SVIL: variants seen among roughly 807,000 people sequenced by gnomAD.
SVIL encodes the protein archvillin.
A neutral mutation model predicts 240.4 loss-of-function variants in SVIL; 101 were observed. That is an observed-to-expected ratio of 0.42 (90% CI 0.36 to 0.50). The LOEUF is 0.50. Ranked by LOEUF, SVIL falls within the 20% of genes least tolerant of loss-of-function variation. The pLI, the probability that SVIL is intolerant of heterozygous loss-of-function variation, is 0.01. For missense variants in SVIL, 2,512 were observed against 2,818.7 expected (o/e 0.89, Z 2.46); for synonymous variants, 999 against 1,100.0 (o/e 0.91, Z 1.82).
chr10:29,546,488 C>T (rs960558752), intron 6 of SVIL, among the ~76,000 whole-genome samples: 1 of 152,132 alleles, frequency 6.6e-6, no homozygotes, highest in South Asian at 2.1e-4. Context: ...TCTTCTTTAT[C>T]ATATAAACTG....
At chr10:29,501,916 C>A (rs1169153327) in intron 17 of SVIL, among the ~76,000 whole-genome samples, 2 of 152,192 alleles carry the variant, frequency 1.3e-5, no homozygotes, top group Admixed American at 6.5e-5. Flanking sequence ...GTGGTGAATT[C>A]TCTCAGGCAT....
chr10:29,650,520 GTATT>G (rs1299239096), intron 3 of SVIL, among the ~76,000 whole-genome samples: 2 of 151,936 alleles, frequency 1.3e-5, no homozygotes, highest in African/African-American at 4.8e-5. Flanking sequence ...TATATAATAT[GTATT>G]TATTACCACA....
At chr10:29,560,422 A>C (rs1314336437) in intron 3 of SVIL, among the ~76,000 whole-genome samples, 4 of 152,226 alleles carry the variant, frequency 2.6e-5, no homozygotes, top group Non-Finnish European at 4.4e-5. Flanking sequence ...AAGTGGAGTA[A>C]TACGTTTGGT....
At chr10:29,699,659 CA>C (rs1341611691) in intron 1 of SVIL, among the ~76,000 whole-genome samples, 1 of 152,278 alleles carries the variant, frequency 6.6e-6, no homozygotes, top group Admixed American at 6.5e-5. Flanking sequence ...TAAAAACTCA[CA>C]AAGACGTTTT....
intron 17 of SVIL, among the ~76,000 whole-genome samples, chr10:29,500,850 T>C (rs1285770240): frequency 6.6e-6 from 1 of 152,132 alleles, no homozygotes; most frequent in South Asian, 2.1e-4. Flanking sequence ...TTCCCTTCAC[T>C]GACCCACGAG....
At chr10:29,713,256 A>G (rs1332649956) in intron 1 of SVIL, among the ~76,000 whole-genome samples, 3 of 122,028 alleles carry the variant, frequency 2.5e-5, no homozygotes, top group African/African-American at 1.0e-4. Flanking sequence ...GAAGTTGTAC[A>G]TGCCTCTGTG....
Position 29,488,677 on chromosome 10 carries a change from C to G in SVIL, c.4272G>C (p.Arg1424=), listed in dbSNP as rs755935020. ...SKENFSNVSL[R]SVNLTEQNSN... Reference sequence around the variant, plus strand: ...AGTTCTGTTCCGTCAGGTTGACGCTCCGCAGGCTGACGTTGCTGAAGTTTT... The same window carrying G: ...AGTTCTGTTCCGTCAGGTTGACGCTGCGCAGGCTGACGTTGCTGAAGTTTT... The change falls in exon 23 of 38, where the codon CGG becomes CGC. Residue 1424 remains arginine, a synonymous_variant. Transcript: ENST00000355867. The G allele has an allele frequency of 3.1e-6, 5 of 1,613,070 alleles. No homozygotes were observed. In the South Asian group the frequency reaches 5.5e-5, roughly 18 times the overall value.
In SVIL at chr10:29,529,718, C is replaced by T. The variant is rs779677853; in HGVS notation, c.2233G>A (p.Val745Ile). 4 of 1,607,576 alleles carry T rather than the reference C, an allele frequency of 2.5e-6. No homozygotes were observed. The highest frequency in any genetic ancestry group is 3.4e-6 in the Non-Finnish European group (4 of 1,177,792). The change falls in exon 12 of 38, where the codon GTC becomes ATC. Residue 745 changes from valine (V) to isoleucine (I), a missense_variant. Physicochemically the swap from Val to Ile is conservative, Grantham distance 29 (BLOSUM62 3). Coordinates refer to ENST00000355867, the MANE Select transcript of SVIL (RefSeq NM_021738.3). ...GTGGGCACTTACGTGGCTGCGATGACCACCTCTTCAGTGGTGATGGGCTGG... is the reference window on the plus strand; with the variant it reads ...GTGGGCACTTACGTGGCTGCGATGATCACCTCTTCAGTGGTGATGGGCTGG... ...LTQPITTEEVVIAATEPIPAS... is the reference protein window; with the variant it reads ...LTQPITTEEVIIAATEPIPAS...
Position 29,529,737 on chromosome 10 carries a change from G to C in SVIL, c.2214C>G (p.Pro738=). 1 of 1,613,328 alleles carries C rather than the reference G, an allele frequency of 6.2e-7. No individual in the cohort carries two copies. Among genetic ancestry groups the C allele is most frequent in the Non-Finnish European group, 8.5e-7 (1 of 1,179,684 alleles). Residue 738 remains proline, a synonymous_variant, in exon 12 of 38, where the codon CCC becomes CCG. Transcript: ENST00000355867. ...CGATGACCACCTCTTCAGTGGTGAT[G>C]GGCTGGGTGAGGGACCTGTCCTGCA... ...RRLQDRSLTQ[P]ITTEEVVIAA...
intron 1 of SVIL, among the ~76,000 whole-genome samples, chr10:29,597,292 G>A (rs2132823897): frequency 6.6e-6 from 1 of 152,290 alleles, no homozygotes; most frequent in East Asian, 1.9e-4. Flanking sequence ...CCGCCCTGAG[G>A]GAAGAATCAT....
At chr10:29,588,502 C>T (rs1431604595) in intron 1 of SVIL, among the ~76,000 whole-genome samples, 1 of 152,150 alleles carries the variant, frequency 6.6e-6, no homozygotes, top group Admixed American at 6.5e-5. Context: ...TGAAACAAGA[C>T]TCATGAAAAA....
Position 29,533,354 on chromosome 10 carries a change from T to C in SVIL, c.1013A>G (p.His338Arg), listed in dbSNP as rs1439682816. Reference sequence around the variant, plus strand: ...GTGCTCAGACTGAAATGACACGTAATGGACTGGCGCTGGCTGGTGTCTCCT... The same window carrying C: ...GTGCTCAGACTGAAATGACACGTAACGGACTGGCGCTGGCTGGTGTCTCCT... ...TQRRHQPAPV[H>R]YVSFQSEHSA... is the part of the protein sequence containing the mutation. Residue 338 changes from histidine to arginine, a missense_variant, in exon 8 of 38, where the codon CAT becomes CGT. By Grantham distance (29) the His-to-Arg change is conservative. Around this residue, in one of 3 missense-constraint regions of SVIL, gnomAD observed 1,443 missense variants for 1,486.6 expected, o/e 0.97. Coordinates refer to ENST00000355867, the MANE Select transcript of SVIL (RefSeq NM_021738.3). 3 of 1,614,040 alleles carry C rather than the reference T, an allele frequency of 1.9e-6. No homozygotes were observed. Among genetic ancestry groups the C allele is most frequent in the African/African-American group, 1.3e-5 (1 of 74,924 alleles).
chr10:29,600,521 A>C (rs774853507), intron 1 of SVIL, among the ~76,000 whole-genome samples: 7 of 152,194 alleles, frequency 4.6e-5, no homozygotes, highest in Non-Finnish European at 8.8e-5. Context: ...CAGATGGAGA[A>C]ACACACAGGT....
chr10:29,700,097 A>G (rs1962392455), intron 1 of SVIL, among the ~76,000 whole-genome samples: 1 of 152,242 alleles, frequency 6.6e-6, no homozygotes, highest in Non-Finnish European at 1.5e-5. Flanking sequence ...GATTTCACCT[A>G]AAATAAGGAT....
intron 1 of SVIL, among the ~76,000 whole-genome samples, chr10:29,700,371 A>C (rs1302134448): frequency 1.3e-5 from 2 of 151,836 alleles, no homozygotes; most frequent in East Asian, 3.9e-4. Flanking sequence ...TCCACCCACT[A>C]CAGCCTGAAA....
At chr10:29,724,181 C>CTTTTTTTTTT (rs386371080) in intron 1 of SVIL, among the ~76,000 whole-genome samples, 1 of 144,520 alleles carries the variant, frequency 6.9e-6, no homozygotes, top group Non-Finnish European at 1.5e-5. Flanking sequence ...TGTTTTCTCT[C>CTTTTTTTTTT]TTTTTTTTTT....
At chr10:29,660,289 A>C (rs560696395) in intron 2 of SVIL, among the ~76,000 whole-genome samples, 1 of 152,172 alleles carries the variant, frequency 6.6e-6, no homozygotes, top group Non-Finnish European at 1.5e-5. Flanking sequence ...AGCTCGGGCA[A>C]CAAAGCAACA....
chr10:29,596,825 T>C (rs1319926752), intron 1 of SVIL, among the ~76,000 whole-genome samples: 1 of 152,202 alleles, frequency 6.6e-6, no homozygotes, highest in Non-Finnish European at 1.5e-5. Context: ...TCACACCGCA[T>C]AAATGGACAA....
chr10:29,493,179 T>G, intron 21 of SVIL, 35 bp downstream of exon 21: 1 of 1,600,092 alleles, frequency 6.2e-7, no homozygotes, highest in Non-Finnish European at 8.5e-7. Context: ...GAAGCCCTTC[T>G]CAGTGGAGGA....
Sources: gnomAD v4.1 joint callset for allele counts (sites outside exome capture counted in the v4.1 genomes callset) on GRCh38, gnomAD v4.1.1 for gene constraint, gnomAD v4.1.1 regional missense constraint, MANE v1.5 for transcripts, NCBI Gene and HGNC (gene_info 2026-07-23, HGNC 2026-07-21) for gene names.